The following NFIB variants were observed in gnomAD, a reference collection of about 807,000 sequenced individuals.
NFIB encodes the protein nuclear factor 1 B-type.
In NFIB, 11 loss-of-function variants were observed where a neutral mutation model predicts 61.5. The ratio of observed to expected loss-of-function variants is 0.18; its 90% CI spans 0.11 to 0.30. The LOEUF is 0.30. Among genes scored for constraint, NFIB ranks in the 10% least tolerant of loss-of-function variants. NFIB has a pLI of 1.00. For missense variants in NFIB, 471 were observed against 608.9 expected, an observed-to-expected ratio of 0.77 and a Z score of 2.38; for synonymous variants, 260 against 216.5, an observed-to-expected ratio of 1.20 and a Z score of -1.76.
the NFIB span, among the ~76,000 whole-genome samples, chr9:14,510,878 A>G: frequency 6.6e-6 from 1 of 152,184 alleles, no homozygotes; most frequent in Non-Finnish European, 1.5e-5. Flanking sequence ...GAAAAGAATC[A>G]TAACCTTTTC....
At chr9:14,121,793 T>C (rs1365482174) in intron 7 of NFIB, among the ~76,000 whole-genome samples, 1 of 152,148 alleles carries the variant, frequency 6.6e-6, no homozygotes, top group African/African-American at 2.4e-5. Flanking sequence ...AAATACTATA[T>C]AAAACACATG....
intron 1 of NFIB, among the ~76,000 whole-genome samples, chr9:14,370,606 G>A (rs985600434): frequency 6.6e-6 from 1 of 152,244 alleles, no homozygotes; most frequent in East Asian, 1.9e-4. Context: ...CCATAACAAA[G>A]GTAAGAAATA....
chr9:14,356,355 G>T (rs2061176110), intron 1 of NFIB, among the ~76,000 whole-genome samples: 1 of 152,072 alleles, frequency 6.6e-6, no homozygotes, highest in South Asian at 2.1e-4. Flanking sequence ...CTTTTCCCAG[G>T]GATGGATACT....
chr9:14,160,701 T>C (rs1563848818), intron 3 of NFIB, among the ~76,000 whole-genome samples: 1 of 152,012 alleles, frequency 6.6e-6, no homozygotes, highest in Non-Finnish European at 1.5e-5. Context: ...ACCATTATCT[T>C]ATAAAATATG....
intron 3 of NFIB, among the ~76,000 whole-genome samples, chr9:14,161,006 T>C (rs1159882900): frequency 6.6e-6 from 1 of 152,120 alleles, no homozygotes; most frequent in Non-Finnish European, 1.5e-5. Context: ...AGCCCTATGA[T>C]TGCAATTGTT....
the NFIB span, among the ~76,000 whole-genome samples, chr9:14,407,117 G>T: frequency 6.6e-6 from 1 of 152,082 alleles, no homozygotes; most frequent in African/African-American, 2.4e-5. Context: ...TTTTCTATTT[G>T]TTACCCAGAA....
chr9:14,198,641 G>T (rs918568202), intron 2 of NFIB, among the ~76,000 whole-genome samples: 1 of 152,022 alleles, frequency 6.6e-6, no homozygotes, highest in Admixed American at 6.5e-5. Flanking sequence ...CAGATTCCTC[G>T]ACCTCACCCG....
At chr9:14,315,147 C>G (rs1162379250), upstream of NFIB, among the ~76,000 whole-genome samples, 1 of 151,430 alleles carries the variant, frequency 6.6e-6, no homozygotes, top group Non-Finnish European at 1.5e-5. Flanking sequence ...CCGGCGTGGA[C>G]CAGGGGGGTG....
At chr9:14,263,467 A>T (rs1230643649) in intron 2 of NFIB, among the ~76,000 whole-genome samples, 1 of 152,208 alleles carries the variant, frequency 6.6e-6, no homozygotes, top group Non-Finnish European at 1.5e-5. Flanking sequence ...CCTGTGGAAA[A>T]AGACTGTGTT....
At chr9:14,370,779 G>T (rs966651544) in intron 1 of NFIB, among the ~76,000 whole-genome samples, 2 of 152,196 alleles carry the variant, frequency 1.3e-5, no homozygotes, top group East Asian at 3.9e-4. Flanking sequence ...TTCTGGAAAT[G>T]CTATCAATTT....
chr9:14,147,293 T>C (rs2042370187), intron 5 of NFIB, among the ~76,000 whole-genome samples: 1 of 152,070 alleles, frequency 6.6e-6, no homozygotes, highest in African/African-American at 2.4e-5. Context: ...CACTTATGAA[T>C]TGCTAATAGT....
chr9:14,165,406 G>T (rs1375673528), intron 3 of NFIB, among the ~76,000 whole-genome samples: 1 of 152,112 alleles, frequency 6.6e-6, no homozygotes, highest in Non-Finnish European at 1.5e-5. Flanking sequence ...AATAAAATAT[G>T]AAATTGAATA....
At chr9:14,413,298 C>T in the NFIB span, among the ~76,000 whole-genome samples, 1 of 152,098 alleles carries the variant, frequency 6.6e-6, no homozygotes, top group Non-Finnish European at 1.5e-5. Flanking sequence ...ATAACTTCTA[C>T]TTACTTTTTC....
intron 2 of NFIB, among the ~76,000 whole-genome samples, chr9:14,248,531 C>G (rs1050349273): frequency 1.3e-4 from 20 of 152,078 alleles, no homozygotes; most frequent in Admixed American, 1.3e-3. Context: ...TTAGCCTCCC[C>G]AAATCCTGGG....
Position 14,167,086 on chromosome 9 carries a change from G to C in NFIB, c.617-11193C>G, listed in dbSNP as rs566624940. On this transcript the variant is annotated intron_variant, in intron 3 of 10. Transcript: ENST00000380953. ...GCATATTGTTGTGTGTGTGTGTCGG[G>C]GGGGGGGGGTTCCCCTTTTTAACAT... is the stretch of plus-strand genomic sequence containing the variant. 2.5e-4 allele frequency among the ~76,000 whole-genome samples: 37 copies of C among 148,596 alleles called. 1 individual carries two copies. Among genetic ancestry groups the C allele is most frequent in the African/African-American group, 8.2e-4 (33 of 40,336 alleles).
intron 2 of NFIB, among the ~76,000 whole-genome samples, chr9:14,298,504 T>A (rs932690): frequency 6.6e-6 from 1 of 151,890 alleles, no homozygotes; most frequent in Non-Finnish European, 1.5e-5. Context: ...AAGATCTAAA[T>A]CCCTCCAAAT....
At chr9:14,170,815 T>C (rs983926776) in intron 3 of NFIB, among the ~76,000 whole-genome samples, 3 of 152,204 alleles carry the variant, frequency 2.0e-5, no homozygotes, top group African/African-American at 7.2e-5. Flanking sequence ...AAGAAAAATA[T>C]AGGTTATAGC....
chr9:14,513,529 G>A, the NFIB span, among the ~76,000 whole-genome samples: 2 of 151,648 alleles, frequency 1.3e-5, no homozygotes, highest in Admixed American at 6.6e-5. Context: ...TCAAGAGGCT[G>A]AGGCCAGAGA....
the NFIB span, among the ~76,000 whole-genome samples, chr9:14,469,610 G>C: frequency 6.6e-6 from 1 of 152,182 alleles, no homozygotes; most frequent in East Asian, 1.9e-4. Context: ...GGTTGGAAGT[G>C]GGGCATGTGG....
Sources: allele counts gnomAD v4.1 joint callset (sites outside exome capture counted in the v4.1 genomes callset), GRCh38; gene constraint gnomAD v4.1.1; transcripts MANE v1.5; gene names NCBI Gene and HGNC (gene_info 2026-07-23, HGNC 2026-07-21).